The following AEBP2 variants were observed in gnomAD, a reference collection of about 807,000 sequenced individuals.
AEBP2 encodes the protein AE binding protein 2.
In AEBP2, 10 loss-of-function variants were observed where a neutral mutation model predicts 50.8. The observed-to-expected ratio is 0.20, with a 90% CI of 0.12 to 0.33. The LOEUF is 0.33. Among genes scored for constraint, AEBP2 ranks in the 10% least tolerant of loss-of-function variants. The pLI is 1.00. For synonymous variants in AEBP2, 296 were observed against 261.3 expected, an observed-to-expected ratio of 1.13 and a Z score of -1.28; for missense variants, 570 against 688.0, an observed-to-expected ratio of 0.83 and a Z score of 1.92.
At chr12:19,494,058 C>A in intron 4 of AEBP2, 72 bp downstream of exon 4, 1 of 1,415,318 alleles carries the variant, frequency 7.1e-7, no homozygotes, top group South Asian at 1.4e-5. Flanking sequence ...TATGCAAATC[C>A]ACTTTGAACT....
intron 2 of AEBP2, 116 bp downstream of exon 2, chr12:19,462,833 G>GT: frequency 1.1e-6 from 1 of 882,828 alleles, no homozygotes; most frequent in Admixed American, 3.0e-5. Flanking sequence ...CACAGGCTTA[G>GT]TTTTTTCAAG....
intron 1 of AEBP2, among the ~76,000 whole-genome samples, chr12:19,433,464 A>G (rs1270853887): frequency 6.6e-6 from 1 of 152,088 alleles, no homozygotes; most frequent in Non-Finnish European, 1.5e-5. Context: ...TAATAAAATA[A>G]AATAACTGAT....
chr12:19,442,228 T>C (rs998026777), intron 1 of AEBP2, among the ~76,000 whole-genome samples: 6 of 152,124 alleles, frequency 3.9e-5, no homozygotes, highest in Non-Finnish European at 5.9e-5. Flanking sequence ...GCCAACATAG[T>C]GAAACCTTAT....
intron 6 of AEBP2, 36 bp from the exon 7 acceptor site, chr12:19,514,635 T>G: frequency 1.4e-6 from 2 of 1,461,426 alleles, no homozygotes; most frequent in Non-Finnish European, 1.9e-6. Context: ...CTAAAATTAA[T>G]GTTACTTTAT....
chr12:19,447,074 G>C (rs762444809), intron 1 of AEBP2, among the ~76,000 whole-genome samples: 2 of 152,220 alleles, frequency 1.3e-5, no homozygotes, highest in African/African-American at 2.4e-5. Flanking sequence ...AAACATGTAG[G>C]CAGGAATGAG....
chr12:19,469,003 C>T (rs1948531089), intron 2 of AEBP2, among the ~76,000 whole-genome samples: 1 of 152,214 alleles, frequency 6.6e-6, no homozygotes, highest in African/African-American at 2.4e-5. Flanking sequence ...CAGCTCACTG[C>T]AACTTTCGCC....
chr12:19,424,611 T>G (rs1218485918), intron 1 of AEBP2, among the ~76,000 whole-genome samples: 1 of 150,804 alleles, frequency 6.6e-6, no homozygotes, highest in Admixed American at 6.6e-5. Flanking sequence ...TTAGCCAGGA[T>G]GGTCTCGATC....
In AEBP2 at chr12:19,432,592, G is replaced by A. The variant is rs2153365288; in HGVS notation, c.-17+28376G>A. Reference sequence around the variant, plus strand: ...ACCTGTAGTACCAGCTACTCAGGGGGCTGATGTGGGAGGATGGCTTGAATC... The same window carrying A: ...ACCTGTAGTACCAGCTACTCAGGGGACTGATGTGGGAGGATGGCTTGAATC... On this transcript the variant is annotated intron_variant, in intron 1 of 3. Coordinates refer to the AEBP2 transcript ENST00000538425. 2.0e-5 allele frequency among the ~76,000 whole-genome samples: 3 copies of A among 152,278 alleles called. No individual in the cohort carries two copies. The South Asian group carries it at 6.2e-4, about 32-fold the overall frequency.
rs1234260620 is a variant in AEBP2 at position 19,522,093 on chromosome 12, A to G, written c.*3976A>G. On this transcript the variant is annotated 3_prime_UTR_variant, in exon 8 of 8. Transcript: ENST00000266508. Reference sequence around the variant, plus strand: ...TTTTTTTTTTTTGAGATAAGTGGACATTTTGGGGATTTTGGTTAAAACATA... The same window carrying G: ...TTTTTTTTTTTTGAGATAAGTGGACGTTTTGGGGATTTTGGTTAAAACATA... 1.3e-5 allele frequency: 2 copies of G among 151,878 alleles called. No individual in the cohort carries two copies. Among genetic ancestry groups the G allele is most frequent in the Admixed American group, 6.6e-5 (1 of 15,240 alleles). 9.4% of individuals were successfully genotyped at this position (151,878 alleles called of 1,614,324 possible).
chr12:19,457,681 G>T (rs1374293374), intron 1 of AEBP2: 12 of 1,264,886 alleles, frequency 9.5e-6, no homozygotes, highest in African/African-American at 1.5e-5. Context: ...CACAACACCT[G>T]TGTTCTGGCG....
At chr12:19,470,361 T>A (rs1037370698) in intron 2 of AEBP2, among the ~76,000 whole-genome samples, 2 of 152,142 alleles carry the variant, frequency 1.3e-5, no homozygotes, top group Non-Finnish European at 2.9e-5. Context: ...TTCACCATGT[T>A]GGTCAGGCTG....
At chr12:19,496,866 T>A (rs955213286) in intron 4 of AEBP2, among the ~76,000 whole-genome samples, 2 of 151,724 alleles carry the variant, frequency 1.3e-5, no homozygotes, top group Non-Finnish European at 2.9e-5. Flanking sequence ...GGGTTTTGTC[T>A]TTTTGACCAG....
intron 1 of AEBP2, among the ~76,000 whole-genome samples, chr12:19,425,110 C>A (rs922905329): frequency 2.6e-5 from 4 of 152,182 alleles, no homozygotes; most frequent in East Asian, 1.9e-4. Context: ...AACTGGCATG[C>A]AACTTTGCAC....
intron 1 of AEBP2, among the ~76,000 whole-genome samples, chr12:19,444,552 A>C (rs1158660384): frequency 6.6e-6 from 1 of 152,194 alleles, no homozygotes; most frequent in African/African-American, 2.4e-5. Flanking sequence ...GAACCACCAG[A>C]CCTGGCGCAA....
chr12:19,415,261 C>A (rs1222471412), intron 1 of AEBP2, among the ~76,000 whole-genome samples: 12 of 126,862 alleles, frequency 9.5e-5, no homozygotes, highest in Admixed American at 7.6e-4. Context: ...TGCAGTGAGA[C>A]AAGATTGTGC....
intron 5 of AEBP2, among the ~76,000 whole-genome samples, chr12:19,512,157 G>T (rs1407596891): frequency 6.6e-6 from 1 of 152,024 alleles, no homozygotes; most frequent in Non-Finnish European, 1.5e-5. Context: ...GAGTAGCTGG[G>T]ACTGCAGAAG....
At chr12:19,423,658 C>T (rs531636204) in intron 1 of AEBP2, among the ~76,000 whole-genome samples, 1 of 152,008 alleles carries the variant, frequency 6.6e-6, no homozygotes, top group South Asian at 2.1e-4. Context: ...GCTGAAGGGC[C>T]ACATAGGCTG....
intron 3 of AEBP2, among the ~76,000 whole-genome samples, chr12:19,485,061 A>G (rs1233386575): frequency 6.6e-6 from 1 of 152,218 alleles, no homozygotes; most frequent in East Asian, 1.9e-4. Flanking sequence ...TATTAAAGTA[A>G]AAGAATCATT....
chr12:19,410,717 A>C (rs1295517217), intron 1 of AEBP2, among the ~76,000 whole-genome samples: 3 of 152,208 alleles, frequency 2.0e-5, no homozygotes, highest in African/African-American at 7.2e-5. Flanking sequence ...ATACTAAATT[A>C]TGACTATCTA....
Sources: gnomAD v4.1 joint callset for allele counts (sites outside exome capture counted in the v4.1 genomes callset) on GRCh38, gnomAD v4.1.1 for gene constraint, MANE v1.5 for transcripts, NCBI Gene and HGNC (gene_info 2026-07-23, HGNC 2026-07-21) for gene names.